SORBS2: variants seen among roughly 807,000 people sequenced by gnomAD.
SORBS2 encodes the protein sorbin and SH3 domain containing 2.
Under a neutral mutation model 97.7 loss-of-function variants are expected in SORBS2, and 46 were observed. The observed-to-expected ratio is 0.47, with a 90% CI of 0.37 to 0.60. SORBS2 has a LOEUF of 0.60. Among genes scored for constraint, SORBS2 ranks in the 20% least tolerant of loss-of-function variants. The probability of loss-of-function intolerance (pLI) is 0.00; values close to 1 mark genes in which losing one functional copy is unlikely to be tolerated. For missense variants in SORBS2, 1,316 were observed against 1,282.3 expected, an observed-to-expected ratio of 1.03 and a Z score of -0.40; for synonymous variants, 476 against 473.4, an observed-to-expected ratio of 1.01 and a Z score of -0.07.
intron 2 of SORBS2, among the ~76,000 whole-genome samples, chr4:185,714,537 C>G (rs967065220): frequency 7.9e-5 from 12 of 151,994 alleles, no homozygotes; most frequent in African/African-American, 2.9e-4. Flanking sequence ...ATTAGGTATA[C>G]AGGTGTATTA....
At chr4:185,899,177 C>T (rs1472773116) in intron 1 of SORBS2, among the ~76,000 whole-genome samples, 2 of 152,124 alleles carry the variant, frequency 1.3e-5, no homozygotes, top group Non-Finnish European at 2.9e-5. Flanking sequence ...CCAGCATTCA[C>T]AGGCAATGGC....
At chr4:185,836,205 C>G (rs1025494932) in intron 1 of SORBS2, among the ~76,000 whole-genome samples, 5 of 152,036 alleles carry the variant, frequency 3.3e-5, no homozygotes. Context: ...AATCATGGAG[C>G]GTTTTACAGA....
chr4:185,785,856 T>C (rs147772388), intron 1 of SORBS2, among the ~76,000 whole-genome samples: 1 of 152,322 alleles, frequency 6.6e-6, no homozygotes, highest in East Asian at 1.9e-4. Flanking sequence ...GGCATAATCG[T>C]TGAGCCTCAT....
intron 2 of SORBS2, among the ~76,000 whole-genome samples, chr4:185,756,601 G>T (rs2098832173): frequency 6.6e-6 from 1 of 152,042 alleles, no homozygotes; most frequent in Non-Finnish European, 1.5e-5. Context: ...TATGCTTACA[G>T]GTAATATGTA....
intron 1 of SORBS2, among the ~76,000 whole-genome samples, chr4:185,866,671 T>C (rs1331595851): frequency 6.6e-6 from 1 of 152,268 alleles, no homozygotes; most frequent in Admixed American, 6.5e-5. Flanking sequence ...AGTTCTAATC[T>C]ACATAACAAA....
Position 185,650,984 on chromosome 4 carries a change from C to T in SORBS2, c.92-1328G>A, listed in dbSNP as rs551293219. ...GTGCAGAACAGGAGGATCATGCGACCCCAGGCTGCCCAGAGGACCCCAAGT... is the reference window on the plus strand; with the variant it reads ...GTGCAGAACAGGAGGATCATGCGACTCCAGGCTGCCCAGAGGACCCCAAGT... On this transcript the variant is annotated intron_variant, in intron 2 of 14. Transcript: ENST00000418609. Among the ~76,000 whole-genome samples the T allele has an allele frequency of 1.0e-3, 157 of 152,112 alleles. 1 individual carries two copies. The highest frequency in any genetic ancestry group is 3.7e-3 in the African/African-American group (153 of 41,484).
chr4:185,793,810 C>T (rs58404214), intron 1 of SORBS2, among the ~76,000 whole-genome samples: 17,612 of 152,226 alleles, frequency 0.12, 1,206 homozygotes, highest in East Asian at 0.26. Context: ...AAGAGAACGA[C>T]TGGTCCTATG....
chr4:185,601,436 G>T (rs2096259530), intron 12 of SORBS2, among the ~76,000 whole-genome samples: 1 of 151,876 alleles, frequency 6.6e-6, no homozygotes, highest in Admixed American at 6.5e-5. Context: ...TGTGAGAAGG[G>T]AACTACTCGA....
At chr4:185,691,190 G>A (rs1236344627) in intron 2 of SORBS2, among the ~76,000 whole-genome samples, 5 of 151,950 alleles carry the variant, frequency 3.3e-5, no homozygotes, top group African/African-American at 4.8e-5. Context: ...GTGAGCCACC[G>A]TGCCCGGCCT....
chr4:185,736,518 C>T (rs535616211), intron 2 of SORBS2, among the ~76,000 whole-genome samples: 6 of 152,276 alleles, frequency 3.9e-5, no homozygotes, highest in African/African-American at 1.2e-4. Flanking sequence ...TGGCGGTGTT[C>T]GTTTCTGTTT....
At chr4:185,813,294 T>G (rs942789152) in intron 1 of SORBS2, among the ~76,000 whole-genome samples, 3 of 152,198 alleles carry the variant, frequency 2.0e-5, no homozygotes, top group African/African-American at 7.2e-5. Flanking sequence ...ACTCCTGCCT[T>G]CAGTATTAAT....
At chr4:185,674,131 T>C (rs1271243442) in intron 4 of SORBS2, among the ~76,000 whole-genome samples, 1 of 152,222 alleles carries the variant, frequency 6.6e-6, no homozygotes, top group Non-Finnish European at 1.5e-5. Context: ...TCCCCTGAAG[T>C]ACAGGCTCTT....
rs991686055 is a variant in SORBS2, at chr4:185,684,910, C to T, written c.-197-6088G>A. The T allele has an allele frequency of 2.0e-5, 25 of 1,235,570 alleles. No individual in the cohort carries two copies. The highest frequency in any genetic ancestry group is 1.8e-4 in the East Asian group (7 of 39,202). 76.5% of individuals were successfully genotyped at this position (1,235,570 alleles called of 1,614,324 possible). On this transcript the variant is annotated intron_variant, in intron 2 of 20. Transcript: ENST00000284776. The surrounding 1 kb of genome is among the most constrained non-coding windows in gnomAD (Gnocchi z 4.2). ...CGGGAAAAGCACGTGCAATATCATG[C>T]GTTTTAAGAGAAATGTGCCAGACAT...
chr4:185,797,538 T>C (rs887804870), intron 1 of SORBS2, among the ~76,000 whole-genome samples: 2 of 152,176 alleles, frequency 1.3e-5, no homozygotes, highest in East Asian at 1.9e-4. Flanking sequence ...AAAATAGGCA[T>C]GGGTGGCCAT....
At chr4:185,923,760 C>A (rs7682613) in intron 1 of SORBS2, among the ~76,000 whole-genome samples, 1 of 152,048 alleles carries the variant, frequency 6.6e-6, no homozygotes, top group Non-Finnish European at 1.5e-5. Flanking sequence ...CACTTCTACA[C>A]GACCTCCTTC....
At chr4:185,809,255 C>A (rs936489714) in intron 1 of SORBS2, among the ~76,000 whole-genome samples, 3 of 150,746 alleles carry the variant, frequency 2.0e-5, no homozygotes, top group African/African-American at 7.3e-5. Context: ...CAGAGGCCAG[C>A]AAAGCTCTGG....
intron 1 of SORBS2, among the ~76,000 whole-genome samples, chr4:185,894,577 G>A (rs988656001): frequency 8.5e-5 from 13 of 152,096 alleles, no homozygotes; most frequent in Admixed American, 1.3e-4. Context: ...TTGACCAGCC[G>A]TGTCACAAGC....
chr4:185,661,578 C>G (rs929174062), upstream of SORBS2, among the ~76,000 whole-genome samples: 1 of 152,152 alleles, frequency 6.6e-6, no homozygotes, highest in Non-Finnish European at 1.5e-5. Context: ...TGTGTGGCTT[C>G]CTGCTACCAT....
At chr4:185,596,620 T>C (rs1341930208) in intron 12 of SORBS2, among the ~76,000 whole-genome samples, 8 of 143,148 alleles carry the variant, frequency 5.6e-5, no homozygotes. Flanking sequence ...CTGCAACCTC[T>C]GCCTCCCGGG....
Sources: allele counts gnomAD v4.1 joint callset (sites outside exome capture counted in the v4.1 genomes callset), GRCh38; gene constraint gnomAD v4.1.1; non-coding constraint Gnocchi (gnomAD v3.1); transcripts MANE v1.5; gene names NCBI Gene and HGNC (gene_info 2026-07-23, HGNC 2026-07-21).